The following THAP9 variants were observed in gnomAD, a reference collection of about 807,000 sequenced individuals.
THAP9 encodes the protein THAP domain containing 9.
In THAP9, 20 loss-of-function variants were observed where a neutral mutation model predicts 35.7. That is an observed-to-expected ratio of 0.56 (90% CI 0.39 to 0.81). THAP9 has a LOEUF of 0.81. THAP9 is among the 40% of genes least tolerant of loss of function. THAP9 has a pLI of 0.00. For synonymous variants in THAP9, 335 were observed against 373.7 expected, an observed-to-expected ratio of 0.90 and a Z score of 1.19; for missense variants, 870 against 1,047.4, an observed-to-expected ratio of 0.83 and a Z score of 2.34.
At chr4:82,912,549 C>G (rs914562891) in intron 4 of THAP9, among the ~76,000 whole-genome samples, 1 of 152,138 alleles carries the variant, frequency 6.6e-6, no homozygotes, top group African/African-American at 2.4e-5. Flanking sequence ...TTTAAAATAT[C>G]GTGTTGATGA....
At chr4:82,906,682 A>G in intron 3 of THAP9, 55 bp downstream of exon 3, 1 of 1,474,278 alleles carries the variant, frequency 6.8e-7, no homozygotes, top group East Asian at 2.3e-5. Context: ...TTTCTGAGGT[A>G]CCATTAAGTA....
At chr4:82,914,821 T>C in intron 4 of THAP9, among the ~76,000 whole-genome samples, 1 of 152,312 alleles carries the variant, frequency 6.6e-6, no homozygotes, top group South Asian at 2.1e-4. Flanking sequence ...CTTAATTAGA[T>C]CCCACCTGTC....
intron 1 of THAP9, among the ~76,000 whole-genome samples, chr4:82,904,409 A>G (rs1249987427): frequency 8.5e-5 from 13 of 152,182 alleles, no homozygotes; most frequent in Admixed American, 8.5e-4. Flanking sequence ...TAAAATCACT[A>G]CAGGAAAGGA....
In THAP9 at chr4:82,918,872, C is replaced by T. The variant is rs763997599; in HGVS notation, c.2660C>T (p.Thr887Ile). Reference sequence around the variant, plus strand: ...TATAAATGTTCAAGTTTTGCTAATACCAGTAGTAAATTCAGGCATTTGCTA... The same window carrying T: ...TATAAATGTTCAAGTTTTGCTAATATCAGTAGTAAATTCAGGCATTTGCTA... The part of the protein sequence containing the change: ...QDYKCSSFAN[T>I]SSKFRHLLSN... The change falls in exon 5 of 5, where the codon ACC (threonine) becomes ATC (isoleucine). Residue 887 changes from threonine to isoleucine, a missense_variant. Thr to Ile is a moderately conservative substitution (Grantham distance 89). Around this residue, in one of 3 missense-constraint regions of THAP9, gnomAD observed 414 missense variants for 500.8 expected, o/e 0.83. Coordinates refer to ENST00000302236, the MANE Select transcript of THAP9 (RefSeq NM_024672.6). 6.2e-7 allele frequency: 1 copy of T among 1,611,106 alleles called. No individual in the cohort carries two copies. Among genetic ancestry groups the T allele is most frequent in the Non-Finnish European group, 8.5e-7 (1 of 1,178,668 alleles).
intron 4 of THAP9, among the ~76,000 whole-genome samples, chr4:82,914,148 A>G (rs1043362736): frequency 5.3e-5 from 8 of 152,228 alleles, no homozygotes; most frequent in African/African-American, 1.7e-4. Flanking sequence ...TGTTGCTGCA[A>G]AAGACATGAT....
intron 2 of THAP9, 113 bp downstream of exon 2, chr4:82,905,044 C>A: frequency 3.4e-6 from 3 of 870,384 alleles, no homozygotes; most frequent in Non-Finnish European, 5.2e-6. Flanking sequence ...AGTCTTAAAT[C>A]CAGTAATAGA....
At chr4:82,914,262 C>A (rs1446677998) in intron 4 of THAP9, among the ~76,000 whole-genome samples, 1 of 152,158 alleles carries the variant, frequency 6.6e-6, no homozygotes, top group African/African-American at 2.4e-5. Context: ...CATGTCTTGA[C>A]TATTGTGAAT....
chr4:82,919,170 C>T lies in THAP9; in HGVS notation c.*246C>T. Reference sequence around the variant, plus strand: ...GTAGGAGCAAACTAGCCAACAGGTACTGTCTTTGAATTTACTACTGTAAGA... The same window carrying T: ...GTAGGAGCAAACTAGCCAACAGGTATTGTCTTTGAATTTACTACTGTAAGA... On this transcript the variant is annotated 3_prime_UTR_variant, in exon 5 of 5. Transcript: ENST00000302236. The T allele has an allele frequency of 5.9e-6, 2 of 338,778 alleles. No individual in the cohort carries two copies. Among genetic ancestry groups the T allele is most frequent in the Non-Finnish European group, 1.1e-5 (2 of 187,264 alleles). 21.0% of individuals were successfully genotyped at this position (338,778 alleles called of 1,614,324 possible).
rs1721081353 is a variant in THAP9, at chr4:82,917,581, A to G, written c.1369A>G (p.Asn457Asp). The change falls in exon 5 of 5, where the codon AAT (asparagine) becomes GAT (aspartate). Residue 457 changes from asparagine to aspartate, a missense_variant. Asn to Asp is a conservative substitution (Grantham distance 23). Around this residue, in one of 3 missense-constraint regions of THAP9, gnomAD observed 16 missense variants for 45.5 expected, o/e 0.35. Transcript: ENST00000302236. ...LVALEEQELS[N>D]MERIPSTLAN... ...AGCACTGGAGGAACAGGAATTATCA[A>G]ATATGGAAAGAATACCAAGTACACT... The G allele has an allele frequency of 6.2e-7, 1 of 1,614,102 alleles. No individual in the cohort carries two copies. Among genetic ancestry groups the G allele is most frequent in the African/African-American group, 1.3e-5 (1 of 75,066 alleles).
chr4:82,918,480 A>G lies in THAP9; in HGVS notation c.2268A>G (p.Lys756=). 1 of 1,614,190 alleles carries G rather than the reference A, an allele frequency of 6.2e-7. No individual in the cohort carries two copies. Among genetic ancestry groups the G allele is most frequent in the Non-Finnish European group, 8.5e-7 (1 of 1,180,000 alleles). Residue 756 remains lysine (K), a synonymous_variant, in exon 5 of 5, where the codon AAA becomes AAG. Transcript: ENST00000302236. ...ASKIGSLLFV[K]KKNGLHFPSE... is the part of the protein sequence containing the mutation. ...AAATTGGGTCACTATTATTTGTTAA[A>G]AAGAAGAATGGTTTGCATTTTCCTT... is the stretch of plus-strand genomic sequence containing the variant.
At chr4:82,908,670 G>A (rs529312051) in intron 4 of THAP9, among the ~76,000 whole-genome samples, 19 of 152,326 alleles carry the variant, frequency 1.2e-4, no homozygotes, top group Non-Finnish European at 1.8e-4. Context: ...TCGGCTCACT[G>A]CAACCTTGCC....
chr4:82,904,682 G>C, intron 1 of THAP9, 54 bp from the exon 2 acceptor site: 1 of 1,489,576 alleles, frequency 6.7e-7, no homozygotes, highest in Non-Finnish European at 9.4e-7. Flanking sequence ...AAATACTACT[G>C]TAATAGTACT....
In THAP9 at chr4:82,918,130, A is replaced by G; in HGVS notation, c.1918A>G (p.Asn640Asp). 6.2e-7 allele frequency: 1 copy of G among 1,614,166 alleles called. No individual in the cohort carries two copies. Among genetic ancestry groups the G allele is most frequent in the Non-Finnish European group, 8.5e-7 (1 of 1,180,008 alleles). Residue 640 changes from asparagine (N) to aspartate (D), a missense_variant, in exon 5 of 5, where the codon AAT becomes GAT. Around this residue, in one of 3 missense-constraint regions of THAP9, gnomAD observed 414 missense variants for 500.8 expected, o/e 0.83. Transcript: ENST00000302236. Reference protein sequence around the residue: ...TCMAFQKAYYNLETRYKFQDE... With the variant: ...TCMAFQKAYYDLETRYKFQDE... ...CATGGCATTCCAGAAAGCTTACTATAATTTGGAGACCAGATACAAATTTCA... is the reference window on the plus strand; with the variant it reads ...CATGGCATTCCAGAAAGCTTACTATGATTTGGAGACCAGATACAAATTTCA...
rs149761599 is a variant in THAP9 at position 82,916,055 on chromosome 4, G to A, written c.732-889G>A. On this transcript the variant is annotated intron_variant, in intron 4 of 4. Transcript: ENST00000302236. ...ACTCTCAATTAAGTAGAGGTCAGCTGTCCAGGAAGAAGCCTTGGTTGCCTT... is the reference window on the plus strand; with the variant it reads ...ACTCTCAATTAAGTAGAGGTCAGCTATCCAGGAAGAAGCCTTGGTTGCCTT... 4.4e-3 allele frequency among the ~76,000 whole-genome samples: 676 copies of A among 152,304 alleles called. 7 individuals are homozygous for A. Among genetic ancestry groups the A allele is most frequent in the Non-Finnish European group, 6.4e-3 (432 of 68,016 alleles).
intron 4 of THAP9, among the ~76,000 whole-genome samples, chr4:82,912,774 C>T (rs1327555170): frequency 2.0e-5 from 3 of 152,146 alleles, no homozygotes; most frequent in Admixed American, 1.3e-4. Flanking sequence ...CACATGCGTG[C>T]ATATACACAT....
chr4:82,906,076 C>T (rs1720635100), intron 2 of THAP9: 2 of 429,926 alleles, frequency 4.7e-6, no homozygotes, highest in Admixed American at 3.7e-5. Flanking sequence ...TTACTACCAC[C>T]TTTCTCTAGT....
At position 82,918,054 on chromosome 4, in the gene THAP9, A is replaced by C; in HGVS notation, c.1842A>C (p.Leu614Phe). Residue 614 changes from leucine (L) to phenylalanine (F), a missense_variant, in exon 5 of 5, where the codon TTA (leucine) becomes TTC (phenylalanine). Physicochemically the swap from Leu to Phe is conservative, Grantham distance 22. This residue lies in a region of THAP9 where 414 missense variants were observed against 500.8 expected (regional missense o/e 0.83). Coordinates refer to ENST00000302236, the MANE Select transcript of THAP9 (RefSeq NM_024672.6). ...AATTCAGTCATGATCATCTGGAATT[A>C]TTTCTAAAGATGCTTAGGCAGGTAT... Reference protein sequence around the residue: ...TYKFSHDHLELFLKMLRQVLV... With the variant: ...TYKFSHDHLEFFLKMLRQVLV... 2 of 1,614,014 alleles carry C rather than the reference A, an allele frequency of 1.2e-6. No individual in the cohort carries two copies. The highest frequency in any genetic ancestry group is 1.7e-6 in the Non-Finnish European group (2 of 1,180,004).
intron 1 of THAP9, among the ~76,000 whole-genome samples, 160 bp from the exon 2 acceptor site, chr4:82,904,576 A>G (rs1720565645): frequency 6.6e-6 from 1 of 152,256 alleles, no homozygotes; most frequent in South Asian, 2.1e-4. Flanking sequence ...AAAAAAATCA[A>G]AGAACTTTGA....
intron 2 of THAP9, among the ~76,000 whole-genome samples, chr4:82,905,246 TA>T (rs1234116122): frequency 6.6e-6 from 1 of 152,158 alleles, no homozygotes; most frequent in Non-Finnish European, 1.5e-5. Flanking sequence ...ACAGCTTTCA[TA>T]GTACTTTGAA....
Sources: allele counts gnomAD v4.1 joint callset (sites outside exome capture counted in the v4.1 genomes callset), GRCh38; gene constraint gnomAD v4.1.1; regional missense constraint gnomAD v4.1.1; transcripts MANE v1.5; gene names NCBI Gene and HGNC (gene_info 2026-07-23, HGNC 2026-07-21).